The following KHDRBS2 variants were observed in gnomAD, a reference collection of about 807,000 sequenced individuals.
KHDRBS2 encodes KH RNA binding domain containing, signal transduction associated 2.
KHDRBS2 carries 26 observed loss-of-function variants against 44.3 expected under a neutral mutation model. The observed-to-expected ratio is 0.59, with a 90% CI of 0.43 to 0.81. The LOEUF is 0.81. Among genes scored for constraint, KHDRBS2 ranks in the 40% least tolerant of loss-of-function variants. The pLI is 0.00. For missense variants in KHDRBS2, 476 were observed against 433.1 expected, an observed-to-expected ratio of 1.10 and a Z score of -0.88; for synonymous variants, 194 against 151.1, an observed-to-expected ratio of 1.28 and a Z score of -2.08.
intron 2 of KHDRBS2, among the ~76,000 whole-genome samples, chr6:62,112,766 A>T (rs1805303425): frequency 6.6e-6 from 1 of 152,174 alleles, no homozygotes; most frequent in Non-Finnish European, 1.5e-5. Flanking sequence ...CAAAGTGTTC[A>T]GTGGATTCTG....
At chr6:61,651,365 TTTATGTACATC>T in the KHDRBS2 span, among the ~76,000 whole-genome samples, 10 of 152,144 alleles carry the variant, frequency 6.6e-5, no homozygotes, top group Non-Finnish European at 2.9e-5. Context: ...TTATTTATGT[TTTATGTACATC>T]TTATATACAT....
At chr6:61,768,677 A>AT (rs149721339) in intron 6 of KHDRBS2, among the ~76,000 whole-genome samples, 169 of 151,978 alleles carry the variant, frequency 1.1e-3, no homozygotes, top group Non-Finnish European at 1.8e-3. Context: ...TGTCAATTGC[A>AT]TTTTTTTAGC....
In KHDRBS2 at chr6:62,197,890, T is replaced by G. The variant is rs553253787; in HGVS notation, c.92-20578A>C. On this transcript the variant is annotated intron_variant, in intron 1 of 8. Transcript: ENST00000281156. ...AACAGAAATTATAACAAACTGTCTCTCAGACCACAGTGCAATCAAACTACA... is the reference window on the plus strand; with the variant it reads ...AACAGAAATTATAACAAACTGTCTCGCAGACCACAGTGCAATCAAACTACA... Among the ~76,000 whole-genome samples, 14 of 152,270 alleles carry G rather than the reference T, an allele frequency of 9.2e-5. No homozygotes were observed. In the South Asian group the frequency reaches 2.7e-3, roughly 29 times the overall value.
At chr6:61,913,144 A>G (rs890699842) in intron 4 of KHDRBS2, among the ~76,000 whole-genome samples, 1 of 152,110 alleles carries the variant, frequency 6.6e-6, no homozygotes, top group African/African-American at 2.4e-5. Context: ...GGAGAAGGTA[A>G]CCACTTAGTT....
chr6:62,196,051 A>T (rs1825628911), intron 1 of KHDRBS2, among the ~76,000 whole-genome samples: 1 of 152,162 alleles, frequency 6.6e-6, no homozygotes, highest in African/African-American at 2.4e-5. Context: ...GAGTGAGTGG[A>T]GCCAATGACC....
At chr6:62,003,790 A>T (rs1778707329) in intron 3 of KHDRBS2, among the ~76,000 whole-genome samples, 1 of 152,184 alleles carries the variant, frequency 6.6e-6, no homozygotes, top group African/African-American at 2.4e-5. Flanking sequence ...AGCAAATGTA[A>T]AAGATCAGAA....
intron 1 of KHDRBS2, among the ~76,000 whole-genome samples, chr6:62,235,070 CTTTTT>C (rs10570985): frequency 1.6e-3 from 175 of 106,934 alleles, no homozygotes; most frequent in African/African-American, 5.6e-3. Flanking sequence ...TCCATTTAGG[CTTTTT>C]TTTTTTTTTT....
intron 7 of KHDRBS2, among the ~76,000 whole-genome samples, chr6:61,701,932 G>T (rs1768746826): frequency 6.6e-6 from 1 of 151,950 alleles, no homozygotes; most frequent in African/African-American, 2.4e-5. Context: ...AAATTGTAAA[G>T]AACTACACCA....
At chr6:61,615,633 G>T in the KHDRBS2 span, among the ~76,000 whole-genome samples, 1 of 152,098 alleles carries the variant, frequency 6.6e-6, no homozygotes, top group Non-Finnish European at 1.5e-5. Context: ...ATTTGAAAAT[G>T]TAAAATCCAA....
At chr6:61,683,991 T>A (rs1766569619) in intron 8 of KHDRBS2, among the ~76,000 whole-genome samples, 1 of 151,966 alleles carries the variant, frequency 6.6e-6, no homozygotes, top group Non-Finnish European at 1.5e-5. Flanking sequence ...AGACCTTGCT[T>A]CCATTGTTTA....
chr6:61,572,904 G>A, the KHDRBS2 span, among the ~76,000 whole-genome samples: 1 of 152,120 alleles, frequency 6.6e-6, no homozygotes, highest in African/African-American at 2.4e-5. Context: ...CTTGAAAACT[G>A]GAACAAGACA....
intron 2 of KHDRBS2, among the ~76,000 whole-genome samples, chr6:62,085,502 T>C (rs59150769): frequency 0.025 from 3,734 of 152,112 alleles, 165 homozygotes; most frequent in African/African-American, 0.084. Flanking sequence ...CAGGAAAACA[T>C]ATTACAGAAA....
the KHDRBS2 span, among the ~76,000 whole-genome samples, chr6:61,581,226 G>GGCCATGCACAATGTGCATT: frequency 5.9e-5 from 9 of 151,990 alleles, no homozygotes; most frequent in Admixed American, 5.9e-4. Context: ...AAATGTGCAT[G>GGCCATGCACAATGTGCATT]GCCATGCACA....
intron 1 of KHDRBS2, among the ~76,000 whole-genome samples, chr6:62,188,878 C>G (rs1481480068): frequency 1.3e-5 from 2 of 152,168 alleles, no homozygotes; most frequent in Non-Finnish European, 2.9e-5. Context: ...CTTTGAGAGG[C>G]AGAGGCAGGT....
chr6:62,221,897 T>G (rs1407248421), intron 1 of KHDRBS2, among the ~76,000 whole-genome samples: 1 of 152,148 alleles, frequency 6.6e-6, no homozygotes, highest in Non-Finnish European at 1.5e-5. Context: ...AACTAAAAAC[T>G]AATTTTTACA....
intron 4 of KHDRBS2, among the ~76,000 whole-genome samples, chr6:61,918,894 TTAGA>T (rs1215870652): frequency 2.0e-5 from 3 of 151,932 alleles, no homozygotes; most frequent in Non-Finnish European, 4.4e-5. Flanking sequence ...CATAGATAAA[TTAGA>T]TAGGCTGCTT....
At chr6:61,640,265 T>C in the KHDRBS2 span, among the ~76,000 whole-genome samples, 1 of 152,146 alleles carries the variant, frequency 6.6e-6, no homozygotes, top group Admixed American at 6.6e-5. Context: ...GTATACATTA[T>C]ACTATACCTC....
At chr6:61,571,535 C>A in the KHDRBS2 span, among the ~76,000 whole-genome samples, 82,558 of 151,570 alleles carry the variant, frequency 0.54, 22,922 homozygotes, top group Non-Finnish European at 0.61. Context: ...AAACAATGGA[C>A]TGAAACTATA....
chr6:61,635,627 A>C, the KHDRBS2 span, among the ~76,000 whole-genome samples: 2 of 152,012 alleles, frequency 1.3e-5, no homozygotes, highest in Non-Finnish European at 2.9e-5. Flanking sequence ...GACTAAATCT[A>C]GGCTTTTTAA....
Sources: gnomAD v4.1 joint callset for allele counts (sites outside exome capture counted in the v4.1 genomes callset) on GRCh38, gnomAD v4.1.1 for gene constraint, MANE v1.5 for transcripts, NCBI Gene and HGNC (gene_info 2026-07-23, HGNC 2026-07-21) for gene names.